The following MCAM variants were observed in gnomAD, a reference collection of about 807,000 sequenced individuals.
MCAM encodes cell surface glycoprotein MUC18.
MCAM carries 55 observed loss-of-function variants against 79.1 expected under a neutral mutation model. The observed-to-expected ratio is 0.70, with a 90% CI of 0.56 to 0.87. MCAM has a LOEUF of 0.87. Among genes scored for constraint, MCAM ranks in the 40% least tolerant of loss-of-function variants. The pLI, the probability that MCAM is intolerant of heterozygous loss-of-function variation, is 0.00. For synonymous variants in MCAM, 330 were observed against 339.8 expected (o/e 0.97, Z 0.32); for missense variants, 745 against 839.8 (o/e 0.89, Z 1.40).
intron 15 of MCAM, 175 bp from the exon 16 acceptor site, chr11:119,310,090 G>A (rs1322279317): frequency 4.6e-6 from 3 of 653,448 alleles, no homozygotes; most frequent in East Asian, 5.4e-5. Flanking sequence ...CCGTCTGACT[G>A]CACTGGTGAA....
intron 15 of MCAM, 196 bp from the exon 16 acceptor site, chr11:119,310,111 C>G (rs1950208485): frequency 7.9e-6 from 5 of 630,566 alleles, no homozygotes; most frequent in Non-Finnish European, 1.4e-5. Context: ...ATGGCCACAC[C>G]CAGAGCCACG....
intron 15 of MCAM, 182 bp from the exon 16 acceptor site, chr11:119,310,097 T>G (rs1443353574): frequency 1.6e-6 from 1 of 643,118 alleles, no homozygotes; most frequent in Admixed American, 2.6e-5. Context: ...ACTGCACTGG[T>G]GAAATGGCCA....
intron 5 of MCAM, 185 bp downstream of exon 5, chr11:119,314,304 C>T (rs1206855934): frequency 2.9e-5 from 17 of 591,190 alleles, no homozygotes; most frequent in Middle Eastern, 4.6e-4. Context: ...CACAGGCACA[C>T]ACCACCATGC....
chr11:119,309,733 C>T lies in MCAM; in HGVS notation c.*153G>A, dbSNP rs1304090208. ...GCCTTGCAGGGCCAAGTGAGGTCCT[C>T]AGGTCCTAACCCAGTGGCCCTCTGA... On this transcript the variant is annotated 3_prime_UTR_variant, in exon 16 of 16. Coordinates refer to ENST00000264036, the MANE Select transcript of MCAM (RefSeq NM_006500.3). The T allele has an allele frequency of 1.3e-6, 1 of 747,012 alleles. No homozygotes were observed. The highest frequency in any genetic ancestry group is 1.8e-5 in the African/African-American group (1 of 56,828). 46.3% of individuals were successfully genotyped at this position (747,012 alleles called of 1,614,324 possible).
intron 15 of MCAM, 94 bp from the exon 16 acceptor site, chr11:119,310,009 G>T: frequency 2.7e-6 from 3 of 1,113,910 alleles, no homozygotes; most frequent in South Asian, 1.3e-5. Flanking sequence ...AGCAGAAGCC[G>T]ATGAATTTGG....
At chr11:119,314,334 T>A in intron 5 of MCAM, 155 bp downstream of exon 5, 1 of 668,452 alleles carries the variant, frequency 1.5e-6, no homozygotes, top group Non-Finnish European at 2.6e-6. Flanking sequence ...TTTTTTATTT[T>A]CTGTAGAGAC....
Position 119,317,037 on chromosome 11 carries a change from G to T in MCAM, c.65C>A (p.Ala22Glu). The change falls in exon 1 of 16, where the codon GCG (alanine) becomes GAG (glutamate). Residue 22 changes from alanine to glutamate, a missense_variant and splice_region_variant. Transcript: ENST00000264036. This position sits in a 1 kb window ranked among gnomAD's most constrained non-coding sequence, Gnocchi z 6.2. Reference sequence around the variant, plus strand: ...GGCCCCCCTGCGAGCGAACTCACCCGCGACGCGAGGACAGCAGCAGCAGGC... The same window carrying T: ...GGCCCCCCTGCGAGCGAACTCACCCTCGACGCGAGGACAGCAGCAGCAGGC... ...LAACCCCPRV[A>E]GVPGEAEQPA... 6.5e-7 allele frequency: 1 copy of T among 1,532,998 alleles called. No homozygotes were observed. 95.0% of individuals were successfully genotyped at this position (1,532,998 alleles called of 1,614,324 possible).
chr11:119,314,486 C>CA lies in MCAM; in HGVS notation c.559+2dup. 1 of 1,613,572 alleles carries CA rather than the reference C, an allele frequency of 6.2e-7. No homozygotes were observed. ...GTGGCTTTTGGGAGAAAGGGCTACT[C>CA]ACGGTTCTTCTCCTCCTTCAGAGGC... On this transcript the variant is annotated splice_region_variant and intron_variant, in intron 5 of 15. Coordinates refer to ENST00000264036, the MANE Select transcript of MCAM (RefSeq NM_006500.3).
In MCAM at chr11:119,310,844, T is replaced by C. The variant is rs1950222421; in HGVS notation, c.1705A>G (p.Ile569Val). Reference protein sequence around the residue: ...GVVIVAVIVCILVLAVLGAVL... With the variant: ...GVVIVAVIVCVLVLAVLGAVL... ...GCGCCCAGCACCGCCAGGACCAGGA[T>C]GCACACAATCACAGCCACGATGACC... The change falls in exon 14 of 16, where the codon ATC becomes GTC. Residue 569 changes from isoleucine (I) to valine (V), a missense_variant. Ile to Val is a conservative substitution (Grantham distance 29). Coordinates refer to ENST00000264036, the MANE Select transcript of MCAM (RefSeq NM_006500.3). The C allele has an allele frequency of 2.5e-6, 4 of 1,614,154 alleles. No individual in the cohort carries two copies. The highest frequency in any genetic ancestry group is 3.4e-6 in the Non-Finnish European group (4 of 1,180,028).
intron 5 of MCAM, chr11:119,313,691 C>T: frequency 4.5e-6 from 1 of 221,386 alleles, no homozygotes; most frequent in Non-Finnish European, 9.1e-6. Flanking sequence ...GTGAGCCCAG[C>T]CAGCACTACT....
intron 14 of MCAM, 41 bp downstream of exon 14, chr11:119,310,715 G>T: frequency 6.3e-7 from 1 of 1,597,696 alleles, no homozygotes; most frequent in Non-Finnish European, 8.5e-7. Flanking sequence ...CAGGCTGGGT[G>T]GCAAAACGGG....
intron 5 of MCAM, chr11:119,313,197 C>T (rs750859100): frequency 5.0e-5 from 74 of 1,467,166 alleles, no homozygotes; most frequent in Non-Finnish European, 6.1e-5. Context: ...ATGATAAAAA[C>T]GAGCAGCCGT....
chr11:119,315,566 G>A lies in MCAM; in HGVS notation c.68-303C>T. ...ACCTAGGCTCGGGGCCAAGAGGAAG[G>A]CCCCTTTCCTTCCAGGCCCCCTCCT... On this transcript the variant is annotated intron_variant, in intron 1 of 15. Coordinates refer to ENST00000264036, the MANE Select transcript of MCAM (RefSeq NM_006500.3). This position sits in a 1 kb window ranked among gnomAD's most constrained non-coding sequence, Gnocchi z 4.4. The A allele has an allele frequency of 2.5e-6, 1 of 393,026 alleles. No individual in the cohort carries two copies. Among genetic ancestry groups the A allele is most frequent in the Non-Finnish European group, 4.8e-6 (1 of 208,830 alleles). 24.3% of individuals were successfully genotyped at this position (393,026 alleles called of 1,614,324 possible). A position where few individuals can be genotyped will look rare whatever the true frequency, so the allele number is the denominator to read the frequency against.
Position 119,312,599 on chromosome 11 carries a change from C to A in MCAM, c.789G>T (p.Lys263Asn). ...ACCTGATTTCCACGCGGTCCCCTTC[C>A]TTCAGCATTCCCACGGGCTCCACTT... ...WLEVEPVGML[K>N]EGDRVEIRCL... Residue 263 changes from lysine (K) to asparagine (N), a missense_variant, in exon 7 of 16, where the codon AAG (lysine) becomes AAT (asparagine). Lys to Asn is a moderately conservative substitution (Grantham distance 94). Coordinates refer to ENST00000264036, the MANE Select transcript of MCAM (RefSeq NM_006500.3). This position sits in a 1 kb window ranked among gnomAD's most constrained non-coding sequence, Gnocchi z 4.9. The A allele has an allele frequency of 1.9e-6, 3 of 1,614,170 alleles. No homozygotes were observed. The highest frequency in any genetic ancestry group is 2.5e-6 in the Non-Finnish European group (3 of 1,180,034).
chr11:119,317,039 G>T lies in MCAM; in HGVS notation c.63C>A (p.Val21=), dbSNP rs1172950544. 1.3e-6 allele frequency: 2 copies of T among 1,533,262 alleles called. No homozygotes were observed. The highest frequency in any genetic ancestry group is 8.7e-7 in the Non-Finnish European group (1 of 1,144,246). 95.0% of individuals were successfully genotyped at this position (1,533,262 alleles called of 1,614,324 possible). Residue 21 remains valine (V), a synonymous_variant, in exon 1 of 16, where the codon GTC becomes GTA. Transcript: ENST00000264036. This position sits in a 1 kb window ranked among gnomAD's most constrained non-coding sequence, Gnocchi z 6.2. ...CCCCCCTGCGAGCGAACTCACCCGC[G>T]ACGCGAGGACAGCAGCAGCAGGCGG... The part of the protein sequence containing the change: ...LLAACCCCPR[V]AGVPGEAEQP...
intron 5 of MCAM, chr11:119,313,992 T>C: frequency 2.0e-6 from 2 of 977,772 alleles, no homozygotes; most frequent in Non-Finnish European, 2.4e-6. Context: ...GAACACACCC[T>C]GATAGCAGAG....
chr11:119,312,915 C>G lies in MCAM; in HGVS notation c.594G>C (p.Ser198=). ...TACTCTGCAAGGTGTACAAACCACT[C>G]GACTCCACAGTCTGGGACGACTGAA... ...VHIQSSQTVE[S]SGLYTLQSIL... is the part of the protein sequence containing the mutation. The change falls in exon 6 of 16, where the codon TCG becomes TCC. Residue 198 remains serine (S), a synonymous_variant. Coordinates refer to ENST00000264036, the MANE Select transcript of MCAM (RefSeq NM_006500.3). The surrounding 1 kb of genome is among the most constrained non-coding windows in gnomAD (Gnocchi z 4.9). The G allele has an allele frequency of 6.2e-7, 1 of 1,614,126 alleles. No individual in the cohort carries two copies. Among genetic ancestry groups the G allele is most frequent in the Non-Finnish European group, 8.5e-7 (1 of 1,180,030 alleles).
At position 119,310,919 on chromosome 11, in the gene MCAM, A is replaced by G; in HGVS notation, c.1646-16T>C. ...AGCTTTCTCTCTGCGCCACAAAGAC[A>G]CTCCTCGTCACTCCCTGCCCCAGGC... is the stretch of plus-strand genomic sequence containing the variant. On this transcript the variant is annotated splice_polypyrimidine_tract_variant and intron_variant, in intron 13 of 15. Coordinates refer to ENST00000264036, the MANE Select transcript of MCAM (RefSeq NM_006500.3). The G allele has an allele frequency of 6.2e-7, 1 of 1,612,838 alleles. No homozygotes were observed. Among genetic ancestry groups the G allele is most frequent in the Non-Finnish European group, 8.5e-7 (1 of 1,179,718 alleles).
Position 119,312,875 on chromosome 11 carries a change from G to T in MCAM, c.634C>A (p.Leu212Met). The T allele has an allele frequency of 1.2e-6, 2 of 1,614,194 alleles. No homozygotes were observed. The highest frequency in any genetic ancestry group is 2.7e-5 in the African/African-American group (2 of 75,042). ...YTLQSILKAQLVKEDKDAQFY... is the reference protein window; with the variant it reads ...YTLQSILKAQMVKEDKDAQFY... ...TGGGCATCTTTGTCTTCTTTAACCA[G>T]CTGTGCCTTCAGAATACTCTGCAAG... The change falls in exon 6 of 16, where the codon CTG becomes ATG. Residue 212 changes from leucine (L) to methionine (M), a missense_variant. Transcript: ENST00000264036. The surrounding 1 kb of genome is among the most constrained non-coding windows in gnomAD (Gnocchi z 4.9).
Sources: gnomAD v4.1 joint callset for allele counts on GRCh38, gnomAD v4.1.1 for gene constraint, Gnocchi (gnomAD v3.1) non-coding constraint, MANE v1.5 for transcripts, NCBI Gene and HGNC (gene_info 2026-07-23, HGNC 2026-07-21) for gene names.